Variants in RADIL observed in about 807,000 individuals in gnomAD.
The protein encoded by RADIL is ras-associating and dilute domain-containing protein.
Under a neutral mutation model 97.6 loss-of-function variants are expected in RADIL, and 99 were observed. The observed-to-expected ratio is 1.01, with a 90% CI of 0.86 to 1.20. The LOEUF (loss-of-function observed/expected upper bound fraction) is 1.20. Among genes scored for constraint, RADIL ranks in the 50% most tolerant of loss-of-function variants. The pLI, the probability that RADIL is intolerant of heterozygous loss-of-function variation, is 0.00. For synonymous variants in RADIL, 803 were observed against 691.8 expected, an observed-to-expected ratio of 1.16 and a Z score of -2.52; for missense variants, 1,765 against 1,498.9, an observed-to-expected ratio of 1.18 and a Z score of -2.93.
rs1248645694 is a variant in RADIL at position 4,798,312 on chromosome 7, C to T, written c.*1066G>A. ...GGGGCAGCGTGGAGCTGCACGAGGC[C>T]CAGGGCCTGGGACAGACCCAGGACA... On this transcript the variant is annotated 3_prime_UTR_variant, in exon 15 of 15. Transcript: ENST00000399583. 6.6e-6 allele frequency: 1 copy of T among 152,206 alleles called. No individual in the cohort carries two copies. Among genetic ancestry groups the T allele is most frequent in the African/African-American group, 2.4e-5 (1 of 41,544 alleles). The allele number at this position is 152,206 out of a possible 1,614,324, so 9.4% of individuals were successfully genotyped here.
chr7:4,834,906 G>T lies in RADIL; in HGVS notation c.1117C>A (p.Arg373=). ...PLPARALARL[R]AVPQSCRLCG... is the part of the protein sequence containing the mutation. ...AGCCGGCAGCTCTGCGGCACAGCCC[G>T]GAGGCGCGCCAAGGCCCGGGCGGGC... The change falls in exon 4 of 15, where the codon CGG becomes AGG. Residue 373 remains arginine, a synonymous_variant. Coordinates refer to ENST00000399583, the MANE Select transcript of RADIL (RefSeq NM_018059.5). The surrounding 1 kb of genome is among the most constrained non-coding windows in gnomAD (Gnocchi z 6.0). The T allele has an allele frequency of 6.6e-7, 1 of 1,526,506 alleles. No individual in the cohort carries two copies. Among genetic ancestry groups the T allele is most frequent in the Non-Finnish European group, 8.8e-7 (1 of 1,137,754 alleles). The allele number at this position is 1,526,506 out of a possible 1,614,324, so 94.6% of individuals were successfully genotyped here. A position where few individuals can be genotyped will look rare whatever the true frequency, so the allele number is the denominator to read the frequency against.
At position 4,879,748 on chromosome 7, in the gene RADIL, C is replaced by T. The variant is rs1784446969; in HGVS notation, c.-64-1545G>A. Among the ~76,000 whole-genome samples, 1 of 152,218 alleles carries T rather than the reference C, an allele frequency of 6.6e-6. No individual in the cohort carries two copies. The highest frequency in any genetic ancestry group is 1.5e-5 in the Non-Finnish European group (1 of 68,038). On this transcript the variant is annotated intron_variant, in intron 1 of 14. Transcript: ENST00000399583. This position sits in a 1 kb window ranked among gnomAD's most constrained non-coding sequence, Gnocchi z 4.1. Reference sequence around the variant, plus strand: ...CCAAAGAAAAGGAGCCACACTGTCCCTTAGGAAACTAAACAGTGGAACCGC... The same window carrying T: ...CCAAAGAAAAGGAGCCACACTGTCCTTTAGGAAACTAAACAGTGGAACCGC...
Position 4,877,941 on chromosome 7 carries a change from C to T in RADIL, c.199G>A (p.Val67Met), listed in dbSNP as rs750170084. ...TQLSAPGVLK[V>M]FGDSVCTGTH... ...CCTGTGCAGACACTGTCCCCAAACA[C>T]CTTCAGGACACCAGGGGCCGACAGC... Residue 67 changes from valine (V) to methionine (M), a missense_variant, in exon 2 of 15, where the codon GTG (valine) becomes ATG (methionine). Transcript: ENST00000399583. The T allele has an allele frequency of 1.2e-6, 2 of 1,609,658 alleles. No individual in the cohort carries two copies. The highest frequency in any genetic ancestry group is 2.2e-5 in the East Asian group (1 of 44,880).
At position 4,839,170 on chromosome 7, in the gene RADIL, T is replaced by A. The variant is rs917288064; in HGVS notation, c.536-2565A>T. Among the ~76,000 whole-genome samples the A allele has an allele frequency of 5.3e-5, 8 of 152,226 alleles. No individual in the cohort carries two copies. The East Asian group carries it at 9.6e-4, about 18-fold the overall frequency. ...TATGACGCGTTGGCTCAGTTTTTTT[T>A]AAAAGCACCTAAAACACCGCTGTAT... On this transcript the variant is annotated intron_variant, in intron 2 of 14. Coordinates refer to ENST00000399583, the MANE Select transcript of RADIL (RefSeq NM_018059.5).
intron 12 of RADIL, among the ~76,000 whole-genome samples, chr7:4,800,561 C>G (rs749991637): frequency 2.6e-5 from 4 of 152,134 alleles, no homozygotes; most frequent in Non-Finnish European, 5.9e-5. Context: ...CCAGGACACT[C>G]GCCCCTCTGG....
At chr7:4,829,971 G>A (rs1183002620) in intron 5 of RADIL, among the ~76,000 whole-genome samples, 2 of 152,188 alleles carry the variant, frequency 1.3e-5, no homozygotes, top group African/African-American at 4.8e-5. Context: ...GTGTACCACA[G>A]CTTGACTTAA....
chr7:4,820,651 C>G (rs781085971), intron 6 of RADIL, among the ~76,000 whole-genome samples: 1 of 152,226 alleles, frequency 6.6e-6, no homozygotes, highest in Non-Finnish European at 1.5e-5. Flanking sequence ...GGAACCGTGG[C>G]CGGCAGGAAG....
chr7:4,852,948 C>A (rs1212929263), intron 2 of RADIL, among the ~76,000 whole-genome samples: 1 of 152,160 alleles, frequency 6.6e-6, no homozygotes, highest in East Asian at 1.9e-4. Context: ...GTTACAGGTC[C>A]ACAGATGGAA....
In RADIL at chr7:4,836,566, G is replaced by A. The variant is rs199542721; in HGVS notation, c.575C>T (p.Ala192Val). The A allele has an allele frequency of 8.7e-6, 14 of 1,607,306 alleles. No homozygotes were observed. In the East Asian group the frequency reaches 8.9e-5, roughly 10 times the overall value. The change falls in exon 3 of 15, where the codon GCG becomes GTG. Residue 192 changes from alanine (A) to valine (V), a missense_variant. Ala to Val is a moderately conservative substitution (Grantham distance 64, BLOSUM62 0). Transcript: ENST00000399583. ...CAGGGCCGGGGTCGGGGTTCCCTTCGCGCGACTCCGCTGCAGCCTCCGGGC... is the reference window on the plus strand; with the variant it reads ...CAGGGCCGGGGTCGGGGTTCCCTTCACGCGACTCCGCTGCAGCCTCCGGGC... Reference protein sequence around the residue: ...AQARRLQRSRAKGTPTPALGD... With the variant: ...AQARRLQRSRVKGTPTPALGD...
In RADIL at chr7:4,824,084, C is replaced by T. The variant is rs1022241541; in HGVS notation, c.1455-1530G>A. 2.6e-5 allele frequency among the ~76,000 whole-genome samples: 4 copies of T among 152,260 alleles called. No homozygotes were observed. Among genetic ancestry groups the T allele is most frequent in the Admixed American group, 1.3e-4 (2 of 15,292 alleles). ...CCCCTGAGCAGTGAGCAGAAGGGAT[C>T]CTTTTGCAAACAGATCAAATCACAC... On this transcript the variant is annotated intron_variant, in intron 5 of 14. Coordinates refer to ENST00000399583, the MANE Select transcript of RADIL (RefSeq NM_018059.5). The surrounding 1 kb of genome is among the most constrained non-coding windows in gnomAD (Gnocchi z 6.7).
Position 4,815,298 on chromosome 7 carries a change from G to C in RADIL, c.2119C>G (p.Pro707Ala). 2 of 1,562,424 alleles carry C rather than the reference G, an allele frequency of 1.3e-6. No homozygotes were observed. Among genetic ancestry groups the C allele is most frequent in the Non-Finnish European group, 1.7e-6 (2 of 1,154,646 alleles). ...CCTACCTGGATGAGCTGGGCCCTGG[G>C]TGTGGCCAGCAGGTTGAGGGTGCAG... ...LSCTLNLLATPRAQLIQMSWT... is the reference protein window; with the variant it reads ...LSCTLNLLATARAQLIQMSWT... Residue 707 changes from proline (P) to alanine (A), a missense_variant, in exon 9 of 15, where the codon CCC becomes GCC. By Grantham distance (27) the Pro-to-Ala change is conservative. Coordinates refer to ENST00000399583, the MANE Select transcript of RADIL (RefSeq NM_018059.5). This position sits in a 1 kb window ranked among gnomAD's most constrained non-coding sequence, Gnocchi z 8.0.
chr7:4,880,148 G>A lies in RADIL; in HGVS notation c.-64-1945C>T, dbSNP rs376146508. Among the ~76,000 whole-genome samples, 7 of 152,100 alleles carry A rather than the reference G, an allele frequency of 4.6e-5. No individual in the cohort carries two copies. Among genetic ancestry groups the A allele is most frequent in the African/African-American group, 7.2e-5 (3 of 41,412 alleles). Reference sequence around the variant, plus strand: ...AGGTGAATTTGCTGTAACAGGTCACGGAGTTCCCAGTACAGGTCATAAGCA... The same window carrying A: ...AGGTGAATTTGCTGTAACAGGTCACAGAGTTCCCAGTACAGGTCATAAGCA... On this transcript the variant is annotated intron_variant, in intron 1 of 14. Coordinates refer to ENST00000399583, the MANE Select transcript of RADIL (RefSeq NM_018059.5). The surrounding 1 kb of genome is among the most constrained non-coding windows in gnomAD (Gnocchi z 4.5).
In RADIL at chr7:4,815,148, C is replaced by T; in HGVS notation, c.2139+130G>A. On this transcript the variant is annotated intron_variant, in intron 9 of 14. Coordinates refer to ENST00000399583, the MANE Select transcript of RADIL (RefSeq NM_018059.5). The surrounding 1 kb of genome is among the most constrained non-coding windows in gnomAD (Gnocchi z 8.0). ...GGAATGGAAGCAACTTTTCTGATTA[C>T]CTACGGTAGCTTTGAGGTTTCCAGC... 8.5e-7 allele frequency: 1 copy of T among 1,172,698 alleles called. No individual in the cohort carries two copies. 72.6% of individuals were successfully genotyped at this position (1,172,698 alleles called of 1,614,324 possible). A position where few individuals can be genotyped will look rare whatever the true frequency, so the allele number is the denominator to read the frequency against.
chr7:4,819,998 C>T lies in RADIL; in HGVS notation c.1615+2396G>A, dbSNP rs887417767. 2.0e-5 allele frequency among the ~76,000 whole-genome samples: 3 copies of T among 152,244 alleles called. No homozygotes were observed. The highest frequency in any genetic ancestry group is 7.2e-5 in the African/African-American group (3 of 41,476). The stretch of plus-strand genomic sequence containing the variant: ...ATGGGACCCAGCTGCCTGCGGCCAC[C>T]AAACCCAGGCAGCCACGAAGCCACG... On this transcript the variant is annotated intron_variant, in intron 6 of 14. Coordinates refer to ENST00000399583, the MANE Select transcript of RADIL (RefSeq NM_018059.5). This position sits in a 1 kb window ranked among gnomAD's most constrained non-coding sequence, Gnocchi z 5.8.
At position 4,842,824 on chromosome 7, in the gene RADIL, C is replaced by T. The variant is rs780339934; in HGVS notation, c.536-6219G>A. Among the ~76,000 whole-genome samples, 1 of 151,966 alleles carries T rather than the reference C, an allele frequency of 6.6e-6. No homozygotes were observed. The highest frequency in any genetic ancestry group is 1.5e-5 in the Non-Finnish European group (1 of 68,018). ...AATGAAACGTTCCTGGGCTGGGGAACTTTACCACTACTGGGGAACCGGAGA... is the reference window on the plus strand; with the variant it reads ...AATGAAACGTTCCTGGGCTGGGGAATTTTACCACTACTGGGGAACCGGAGA... On this transcript the variant is annotated intron_variant, in intron 2 of 14. Transcript: ENST00000399583. This position sits in a 1 kb window ranked among gnomAD's most constrained non-coding sequence, Gnocchi z 4.5.
intron 2 of RADIL, chr7:4,861,696 G>A (rs1255528806): frequency 1.9e-6 from 3 of 1,580,054 alleles, no homozygotes; most frequent in Non-Finnish European, 2.6e-6. Flanking sequence ...CTCTGGGTGA[G>A]GAGGCAGTCC....
intron 9 of RADIL, among the ~76,000 whole-genome samples, chr7:4,812,299 A>C (rs1188857758): frequency 6.6e-6 from 1 of 152,300 alleles, no homozygotes; most frequent in East Asian, 1.9e-4. Flanking sequence ...ATTTATCAGC[A>C]AAAAGTTGGT....
At chr7:4,802,825 C>T (rs1472166840) in intron 11 of RADIL, among the ~76,000 whole-genome samples, 6 of 122,542 alleles carry the variant, frequency 4.9e-5, no homozygotes, top group Admixed American at 2.3e-4. Flanking sequence ...ACCCCCTCCC[C>T]GGGCACCTCG....
intron 2 of RADIL, among the ~76,000 whole-genome samples, chr7:4,844,501 G>C (rs1410341716): frequency 6.6e-6 from 1 of 152,206 alleles, no homozygotes; most frequent in African/African-American, 2.4e-5. Context: ...CAGACAATGT[G>C]ATTGTGTATG....
Sources: gnomAD v4.1 joint callset for allele counts (sites outside exome capture counted in the v4.1 genomes callset) on GRCh38, gnomAD v4.1.1 for gene constraint, Gnocchi (gnomAD v3.1) non-coding constraint, MANE v1.5 for transcripts, NCBI Gene and HGNC (gene_info 2026-07-23, HGNC 2026-07-21) for gene names.